The following TTN variants were observed in gnomAD, a reference collection of about 807,000 sequenced individuals.
TTN encodes connectin.
In TTN, 1,525 loss-of-function variants were observed where a neutral mutation model predicts 3,223.0. The ratio of observed to expected loss-of-function variants is 0.47; its 90% CI spans 0.45 to 0.49. The LOEUF (loss-of-function observed/expected upper bound fraction) is 0.49. Ranked by LOEUF, TTN falls within the 20% of genes least tolerant of loss-of-function variation. The pLI, the probability that TTN is intolerant of heterozygous loss-of-function variation, is 0.00. For missense variants in TTN, 40,786 were observed against 43,424.0 expected, an observed-to-expected ratio of 0.94 and a Z score of 5.40; for synonymous variants, 14,094 against 15,161.0, an observed-to-expected ratio of 0.93 and a Z score of 5.17.
At chr2:178,694,353 A>G (rs1171850357) in intron 117 of TTN, among the ~76,000 whole-genome samples, 1 of 152,162 alleles carries the variant, frequency 6.6e-6, no homozygotes, top group African/African-American at 2.4e-5. Context: ...TTAGCAAACT[A>G]CTAATTAAAC....
Position 178,715,585 on chromosome 2 carries a change from T to G in TTN, c.25829A>C (p.His8610Pro). Reference protein sequence around the residue: ...FVDSVAVLEMHNLSVEDSGDY... With the variant: ...FVDSVAVLEMPNLSVEDSGDY... ...TCCACTGTCTTCAACACTGAGATTG[T>G]GCATTTCCAGCACAGCCACCGAGTC... The change falls in exon 89 of 363, where the codon CAC becomes CCC. Residue 8610 changes from histidine to proline, a missense_variant. Physicochemically the swap from His to Pro is moderately conservative, Grantham distance 77. Coordinates refer to ENST00000589042, the MANE Select transcript of TTN (RefSeq NM_001267550.2). 1 of 1,613,628 alleles carries G rather than the reference T, an allele frequency of 6.2e-7. No homozygotes were observed. Among genetic ancestry groups the G allele is most frequent in the Non-Finnish European group, 8.5e-7 (1 of 1,179,662 alleles).
chr2:178,737,968 G>T (rs1324738850), intron 49 of TTN, 114 bp downstream of exon 49: 1 of 1,351,582 alleles, frequency 7.4e-7, no homozygotes, highest in Non-Finnish European at 1.0e-6. Context: ...TTACTGTCTT[G>T]GTTGTTGGTC....
At chr2:178,764,431 TA>T (rs2154339803) in intron 42 of TTN, 95 bp downstream of exon 42, 1 of 1,611,068 alleles carries the variant, frequency 6.2e-7, no homozygotes, top group African/African-American at 1.3e-5. Context: ...AATCTACTTT[TA>T]TGAGCTCCAA....
At chr2:178,775,328 T>G in intron 28 of TTN, 28 bp downstream of exon 28, 2 of 1,613,184 alleles carry the variant, frequency 1.2e-6, no homozygotes, top group Non-Finnish European at 1.7e-6. Flanking sequence ...CAAAGACAGG[T>G]CCATCAAAGG....
Position 178,718,305 on chromosome 2 carries a change from G to A in TTN, c.24784+17C>T. The A allele has an allele frequency of 2.5e-6, 4 of 1,606,284 alleles. No homozygotes were observed. The highest frequency in any genetic ancestry group is 3.4e-6 in the Non-Finnish European group (4 of 1,175,264). On this transcript the variant is annotated intron_variant, in intron 85 of 362. Coordinates refer to ENST00000589042, the MANE Select transcript of TTN (RefSeq NM_001267550.2). ...GAAAAGAAAGAGAGCAATAAAAAGA[G>A]GTAGCTGTCAACACACCTAAGACAG...
Position 178,649,843 on chromosome 2 carries a change from T to C in TTN, c.39869A>G (p.Lys13290Arg). 6.2e-7 allele frequency: 1 copy of C among 1,612,726 alleles called. No homozygotes were observed. Among genetic ancestry groups the C allele is most frequent in the Non-Finnish European group, 8.5e-7 (1 of 1,179,478 alleles). Reference sequence around the variant, plus strand: ...TTTAGGAGGCGGTGCTTCTGGTTTTTTGATGACAGGAACTTTCTTCTCTGG... The same window carrying C: ...TTTAGGAGGCGGTGCTTCTGGTTTTCTGATGACAGGAACTTTCTTCTCTGG... ...IIPEKKVPVI[K>R]KPEAPPPKEP... Residue 13290 changes from lysine to arginine, a missense_variant, in exon 211 of 363, where the codon AAA (lysine) becomes AGA (arginine). Transcript: ENST00000589042.
In TTN at chr2:178,571,714, A is replaced by G; in HGVS notation, c.74418T>C (p.Leu24806=). The G allele has an allele frequency of 6.2e-7, 1 of 1,613,516 alleles. No individual in the cohort carries two copies. The highest frequency in any genetic ancestry group is 8.5e-7 in the Non-Finnish European group (1 of 1,179,604). The part of the protein sequence containing the change: ...EAIETLNVIV[L]DKPGPPTGPV... Reference sequence around the variant, plus strand: ...GTCCAGTTGGAGGCCCTGGTTTGTCAAGAACGATAACATTAAGGGTTTCAA... The same window carrying G: ...GTCCAGTTGGAGGCCCTGGTTTGTCGAGAACGATAACATTAAGGGTTTCAA... The change falls in exon 326 of 363, where the codon CTT becomes CTC. Residue 24806 remains leucine, a synonymous_variant. Transcript: ENST00000589042.
At position 178,578,799 on chromosome 2, in the gene TTN, C is replaced by CACTT; in HGVS notation, c.68224+3_68224+6dup. 6.2e-7 allele frequency: 1 copy of CACTT among 1,609,216 alleles called. No homozygotes were observed. Among genetic ancestry groups the CACTT allele is most frequent in the Non-Finnish European group, 8.5e-7 (1 of 1,177,612 alleles). The stretch of plus-strand genomic sequence containing the variant: ...TGCTTTACGTCTTCTGAATTTAAGA[C>CACTT]ACTTACCAAATGGATGTCTCGCAAC... On this transcript the variant is annotated splice_region_variant and intron_variant, in intron 320 of 362. Coordinates refer to ENST00000589042, the MANE Select transcript of TTN (RefSeq NM_001267550.2).
chr2:178,771,937 A>G (rs1412766312), intron 33 of TTN, among the ~76,000 whole-genome samples: 2 of 152,206 alleles, frequency 1.3e-5, no homozygotes, highest in Non-Finnish European at 2.9e-5. Context: ...AATGTCGCCC[A>G]TTCTATGAAG....
intron 257 of TTN, among the ~76,000 whole-genome samples, 157 bp downstream of exon 257, chr2:178,616,322 G>A (rs979430695): frequency 6.6e-6 from 1 of 151,794 alleles, no homozygotes; most frequent in Admixed American, 6.6e-5. Context: ...ACCTCAGGAA[G>A]CATTAGCACC....
intron 119 of TTN, 85 bp downstream of exon 119, chr2:178,693,524 A>T: frequency 1.0e-6 from 1 of 986,812 alleles, no homozygotes; most frequent in Non-Finnish European, 1.5e-6. Context: ...TAAATCTATT[A>T]TTTAATACTA....
Position 178,534,065 on chromosome 2 carries a change from C to T in TTN, c.102550G>A (p.Glu34184Lys), listed in dbSNP as rs776306284. The change falls in exon 358 of 363, where the codon GAA becomes AAA. Residue 34184 changes from glutamate to lysine, a missense_variant. Glu to Lys is a moderately conservative substitution (Grantham distance 56). Coordinates refer to ENST00000589042, the MANE Select transcript of TTN (RefSeq NM_001267550.2). The stretch of plus-strand genomic sequence containing the variant: ...GCCACTCCATCTTCGTAGGTGATTT[C>T]GTATTTCTCACTGTTCTCCAGCTGT... Reference protein sequence around the residue: ...VRQLENSEKYEITYEDGVAIL... With the variant: ...VRQLENSEKYKITYEDGVAIL... The T allele has an allele frequency of 1.7e-5, 28 of 1,613,814 alleles. No individual in the cohort carries two copies. The highest frequency in any genetic ancestry group is 7.7e-5 in the South Asian group (7 of 91,078).
intron 218 of TTN, 90 bp downstream of exon 218, chr2:178,644,456 AAG>A (rs763864042): frequency 1.0e-4 from 102 of 978,072 alleles, no homozygotes; most frequent in Non-Finnish European, 1.3e-4. Context: ...ATCATTGAAA[AAG>A]AGAGACAGAA....
chr2:178,544,774 A>G (rs1451100458), intron 344 of TTN, among the ~76,000 whole-genome samples: 1 of 152,186 alleles, frequency 6.6e-6, no homozygotes, highest in African/African-American at 2.4e-5. Flanking sequence ...GTTCTCTATT[A>G]GCTAAGCTCA....
rs762861187 is a variant in TTN at position 178,725,398 on chromosome 2, T to A, written c.20806A>T (p.Arg6936Trp). Residue 6936 changes from arginine to tryptophan, a missense_variant, in exon 71 of 363, where the codon AGG (arginine) becomes TGG (tryptophan). Arg to Trp is a moderately radical substitution (Grantham distance 101, BLOSUM62 -3). Transcript: ENST00000589042. ...ICQIKNDGGM[R>W]ENMATLMVLE... is the part of the protein sequence containing the mutation. ...ACCATCAGTGTGGCCATGTTCTCCC[T>A]CATTCCACCATCATTCTTGATTTGG... The A allele has an allele frequency of 3.1e-6, 5 of 1,596,676 alleles. No individual in the cohort carries two copies. The African/African-American group carries it at 6.7e-5, about 21-fold the overall frequency.
chr2:178,727,670 C>T lies in TTN; in HGVS notation c.19908G>A (p.Val6636=). Residue 6636 remains valine (V), a synonymous_variant, in exon 68 of 363, where the codon GTG becomes GTA. Transcript: ENST00000589042. ...GSTSFLNLYS[V]DASKTGQYTC... ...TATACTGTCCAGTCTTAGAAGCATC[C>T]ACTGAGTAGAGATTTAAGAAGCTAG... The T allele has an allele frequency of 6.2e-7, 1 of 1,612,990 alleles. No individual in the cohort carries two copies. Among genetic ancestry groups the T allele is most frequent in the Non-Finnish European group, 8.5e-7 (1 of 1,179,308 alleles).
chr2:178,647,271 A>C, intron 214 of TTN, 110 bp downstream of exon 214: 1 of 1,334,312 alleles, frequency 7.5e-7, no homozygotes, highest in Non-Finnish European at 1.0e-6. Context: ...GACCCCCCAA[A>C]TATCAATAAC....
In TTN at chr2:178,702,211, T is replaced by G; in HGVS notation, c.30468A>C (p.Arg10156Ser). The G allele has an allele frequency of 6.2e-7, 1 of 1,614,012 alleles. No homozygotes were observed. The highest frequency in any genetic ancestry group is 1.7e-5 in the Admixed American group (1 of 60,030). Residue 10156 changes from arginine to serine, a missense_variant, in exon 108 of 363, where the codon AGA becomes AGC. Physicochemically the swap from Arg to Ser is moderately radical, Grantham distance 110. Transcript: ENST00000589042. ...VYSVIARLEP[R>S]GEARSTAELY... is the part of the protein sequence containing the mutation. ...GCTCTGCCGTGCTTCTTGCTTCACC[T>G]CTTGGCTCCAGCCGAGCGATGACCG...
chr2:178,713,755 T>C (rs1362035356), intron 92 of TTN, 142 bp downstream of exon 92: 5 of 1,055,944 alleles, frequency 4.7e-6, no homozygotes, highest in Admixed American at 2.9e-5. Flanking sequence ...ATTCTACAGA[T>C]GGTATTGCCT....
Sources: allele counts gnomAD v4.1 joint callset (sites outside exome capture counted in the v4.1 genomes callset), GRCh38; gene constraint gnomAD v4.1.1; transcripts MANE v1.5; gene names NCBI Gene and HGNC (gene_info 2026-07-23, HGNC 2026-07-21).